ANKRD62: variants seen among roughly 807,000 people sequenced by gnomAD.
ANKRD62 encodes ankyrin repeat domain-containing protein 62.
Under a neutral mutation model 98.8 loss-of-function variants are expected in ANKRD62, and 61 were observed. The ratio of observed to expected loss-of-function variants is 0.62; its 90% confidence interval spans 0.50 to 0.76. The LOEUF is 0.76. Ranked by LOEUF, ANKRD62 falls within the 30% of genes least tolerant of loss-of-function variation. The pLI is 0.00. For missense variants in ANKRD62, 933 were observed against 1,082.9 expected, an observed-to-expected ratio of 0.86 and a Z score of 1.94; for synonymous variants, 341 against 367.9, an observed-to-expected ratio of 0.93 and a Z score of 0.84.
At chr18:12,181,605 A>T in the ANKRD62 span, among the ~76,000 whole-genome samples, 1 of 152,214 alleles carries the variant, frequency 6.6e-6, no homozygotes, top group Non-Finnish European at 1.5e-5. Context: ...TGTAGCCATC[A>T]CCATGATCTA....
chr18:12,138,746 C>T, the ANKRD62 span, among the ~76,000 whole-genome samples: 2 of 152,100 alleles, frequency 1.3e-5, no homozygotes, highest in African/African-American at 2.4e-5. Context: ...TGGGTGCATA[C>T]ATATTTAGGA....
At chr18:12,141,463 T>C in the ANKRD62 span, among the ~76,000 whole-genome samples, 1 of 152,172 alleles carries the variant, frequency 6.6e-6, no homozygotes, top group African/African-American at 2.4e-5. Context: ...TGTGAAACTC[T>C]TGTATTGTGT....
chr18:12,115,658 C>T, intron 10 of ANKRD62, 124 bp downstream of exon 10: 1 of 850,734 alleles, frequency 1.2e-6, no homozygotes, highest in Non-Finnish European at 1.7e-6. Context: ...AAATATCCTT[C>T]TTGTGAACAT....
chr18:12,122,521 C>T lies in ANKRD62; in HGVS notation c.1454+5C>T, dbSNP rs1246882415. Reference sequence around the variant, plus strand: ...AAAAAAGCTCTGTAATTTGAGGTATCACATTCTAGTTTTAAAGAAATATTT... The same window carrying T: ...AAAAAAGCTCTGTAATTTGAGGTATTACATTCTAGTTTTAAAGAAATATTT... On this transcript the variant is annotated splice_donor_5th_base_variant and intron_variant, in intron 11 of 13. Transcript: ENST00000587848. The T allele has an allele frequency of 1.3e-6, 2 of 1,506,378 alleles. No homozygotes were observed. The highest frequency in any genetic ancestry group is 2.8e-5 in the African/African-American group (2 of 70,886). 93.3% of individuals were successfully genotyped at this position (1,506,378 alleles called of 1,614,324 possible). A position where few individuals can be genotyped will look rare whatever the true frequency, so the allele number is the denominator to read the frequency against.
rs1254844707 is a variant in ANKRD62 at position 12,129,188 on chromosome 18, A to G, written c.*1249A>G. 3.3e-5 allele frequency: 5 copies of G among 152,256 alleles called. No individual in the cohort carries two copies. The highest frequency in any genetic ancestry group is 7.3e-5 in the Non-Finnish European group (5 of 68,048). The allele number at this position is 152,256 out of a possible 1,614,324, so 9.4% of individuals were successfully genotyped here. The stretch of plus-strand genomic sequence containing the variant: ...ATTGAAAAATATAAATGCTTACTAT[A>G]ATTTCCTATGTTTCCCCATTTTACC... On this transcript the variant is annotated 3_prime_UTR_variant, in exon 14 of 14. Coordinates refer to ENST00000587848, the MANE Select transcript of ANKRD62 (RefSeq NM_001277333.2).
downstream of ANKRD62, among the ~76,000 whole-genome samples, chr18:12,131,707 AAGAG>A (rs1172852803): frequency 6.0e-5 from 9 of 149,252 alleles, no homozygotes; most frequent in East Asian, 1.2e-3. Context: ...GTCATATTTT[AAGAG>A]AGAGAGAGAG....
chr18:12,174,669 T>C, the ANKRD62 span, among the ~76,000 whole-genome samples: 2 of 152,232 alleles, frequency 1.3e-5, no homozygotes, highest in African/African-American at 4.8e-5. Context: ...CCTTTGAATT[T>C]TCTTCTTTTA....
At chr18:12,099,166 T>A (rs1029286168) in intron 5 of ANKRD62, among the ~76,000 whole-genome samples, 3 of 152,220 alleles carry the variant, frequency 2.0e-5, no homozygotes, top group Non-Finnish European at 4.4e-5. Flanking sequence ...TCATTTGGGA[T>A]TCCAAAATAA....
chr18:12,167,300 G>A, the ANKRD62 span, among the ~76,000 whole-genome samples: 1 of 151,214 alleles, frequency 6.6e-6, no homozygotes, highest in Non-Finnish European at 1.5e-5. Context: ...CCCACCCCGT[G>A]ACAAGCCCTG....
the ANKRD62 span, among the ~76,000 whole-genome samples, chr18:12,153,557 A>C: frequency 1.4e-5 from 2 of 146,496 alleles, no homozygotes. Flanking sequence ...ACATCACTGC[A>C]CTCCAGCCTG....
the ANKRD62 span, among the ~76,000 whole-genome samples, chr18:12,161,946 G>A: frequency 1.3e-5 from 2 of 152,218 alleles, no homozygotes; most frequent in Admixed American, 6.5e-5. Flanking sequence ...CACTTAGGTT[G>A]CTTCCACATC....
chr18:12,152,390 A>T, the ANKRD62 span, among the ~76,000 whole-genome samples: 1 of 152,204 alleles, frequency 6.6e-6, no homozygotes, highest in Non-Finnish European at 1.5e-5. Context: ...ATCCACCACG[A>T]TCAAGTAGGC....
At chr18:12,137,257 AG>A in the ANKRD62 span, among the ~76,000 whole-genome samples, 1 of 152,170 alleles carries the variant, frequency 6.6e-6, no homozygotes, top group Non-Finnish European at 1.5e-5. Flanking sequence ...TTTAGCATGA[AG>A]GGTTGTTGAA....
intron 6 of ANKRD62, chr18:12,101,932 A>G: frequency 1.2e-6 from 1 of 807,892 alleles, no homozygotes. Flanking sequence ...GTTGAATGGC[A>G]TGACAAAGCA....
chr18:12,125,376 G>T (rs1909865677), intron 12 of ANKRD62, 84 bp from the exon 13 acceptor site: 1 of 1,291,966 alleles, frequency 7.7e-7, no homozygotes, highest in Non-Finnish European at 1.0e-6. Context: ...TAAACGTACA[G>T]GTTATTACTT....
chr18:12,102,759 A>G (rs2143900931), intron 6 of ANKRD62: 15 of 1,003,044 alleles, frequency 1.5e-5, no homozygotes, highest in Non-Finnish European at 1.7e-5. Context: ...TACTCATAAT[A>G]AGAAGCAGGT....
chr18:12,134,452 G>A (rs184018080), downstream of ANKRD62, among the ~76,000 whole-genome samples: 74 of 151,896 alleles, frequency 4.9e-4, no homozygotes, highest in African/African-American at 1.7e-3. Context: ...GTATACATGC[G>A]CCATGTTGGT....
downstream of ANKRD62, among the ~76,000 whole-genome samples, chr18:12,130,299 T>TA (rs1196599541): frequency 1.3e-5 from 2 of 151,998 alleles, no homozygotes; most frequent in Non-Finnish European, 2.9e-5. Context: ...TTATATGATT[T>TA]AAAAAAAATT....
chr18:12,129,651 G>A lies in ANKRD62; in HGVS notation c.*1712G>A, dbSNP rs1205964189. 1.3e-5 allele frequency: 2 copies of A among 151,746 alleles called. No homozygotes were observed. The highest frequency in any genetic ancestry group is 4.8e-5 in the African/African-American group (2 of 41,300). 9.4% of individuals were successfully genotyped at this position (151,746 alleles called of 1,614,324 possible). A position where few individuals can be genotyped will look rare whatever the true frequency, so the allele number is the denominator to read the frequency against. On this transcript the variant is annotated 3_prime_UTR_variant, in exon 14 of 14. Coordinates refer to ENST00000587848, the MANE Select transcript of ANKRD62 (RefSeq NM_001277333.2). ...TAGTCCCAGCTACTCGGGAGGCTGAGGCAGGAGAATGGTATGAACCCGGGA... is the reference window on the plus strand; with the variant it reads ...TAGTCCCAGCTACTCGGGAGGCTGAAGCAGGAGAATGGTATGAACCCGGGA...
Sources: gnomAD v4.1 joint callset for allele counts (sites outside exome capture counted in the v4.1 genomes callset) on GRCh38, gnomAD v4.1.1 for gene constraint, MANE v1.5 for transcripts, NCBI Gene and HGNC (gene_info 2026-07-23, HGNC 2026-07-21) for gene names.